The following NELFCD variants were observed in gnomAD, a reference collection of about 807,000 sequenced individuals.
NELFCD encodes negative elongation factor C/D.
A neutral mutation model predicts 72.9 loss-of-function variants in NELFCD; 48 were observed. The ratio of observed to expected loss-of-function variants is 0.66; its 90% CI spans 0.52 to 0.84. NELFCD has a LOEUF of 0.84. Among genes scored for constraint, NELFCD ranks in the 40% least tolerant of loss-of-function variants. The pLI, the probability that NELFCD is intolerant of heterozygous loss-of-function variation, is 0.00. For missense variants in NELFCD, 538 were observed against 723.8 expected (o/e 0.74, Z 2.94); for synonymous variants, 297 against 280.6 (o/e 1.06, Z -0.59).
rs113708159 is a variant in NELFCD, at chr20:58,987,968, G to A, written c.396+151G>A. ...ACAGAAGTTGCATCTAGTCAGAATT[G>A]CCCTTTAAACTCTGTACCCAGGGTC... On this transcript the variant is annotated intron_variant, in intron 4 of 14. Transcript: ENST00000652272. 40 of 641,216 alleles carry A rather than the reference G, an allele frequency of 6.2e-5. 1 individual carries two copies. The African/African-American group carries it at 6.6e-4, about 11-fold the overall frequency. 39.7% of individuals were successfully genotyped at this position (641,216 alleles called of 1,614,324 possible). A position where few individuals can be genotyped will look rare whatever the true frequency, so the allele number is the denominator to read the frequency against.
At position 58,989,773 on chromosome 20, in the gene NELFCD, C is replaced by A. The variant is rs755047050; in HGVS notation, c.658-85C>A. ...CCTTCCAGGATGCTCACTCCCGGGCCCGAGCACGGTGGAGGCTTGGCTCTC... is the reference window on the plus strand; with the variant it reads ...CCTTCCAGGATGCTCACTCCCGGGCACGAGCACGGTGGAGGCTTGGCTCTC... On this transcript the variant is annotated intron_variant, in intron 6 of 14. Coordinates refer to ENST00000652272, the MANE Select transcript of NELFCD (RefSeq NM_198976.4). 3.1e-6 allele frequency: 5 copies of A among 1,607,134 alleles called. No individual in the cohort carries two copies. The Admixed American group carries it at 8.3e-5, about 27-fold the overall frequency.
In NELFCD at chr20:58,981,381, C is replaced by A; in HGVS notation, c.60+12C>A. On this transcript the variant is annotated intron_variant, in intron 1 of 14. Coordinates refer to ENST00000652272, the MANE Select transcript of NELFCD (RefSeq NM_198976.4). The stretch of plus-strand genomic sequence containing the variant: ...CTGACGGCGGCCAGGTGAGGCGGGG[C>A]ACTGGGCGCACCCTAGAGAGAATCG... 1 of 1,058,632 alleles carries A rather than the reference C, an allele frequency of 9.4e-7. No homozygotes were observed. Among genetic ancestry groups the A allele is most frequent in the East Asian group, 5.5e-5 (1 of 18,042 alleles). 65.6% of individuals were successfully genotyped at this position (1,058,632 alleles called of 1,614,324 possible).
Position 58,993,723 on chromosome 20 carries a change from C to T in NELFCD, c.1540C>T (p.Leu514=), listed in dbSNP as rs369278623. 6.2e-6 allele frequency: 10 copies of T among 1,614,238 alleles called. No homozygotes were observed. Among genetic ancestry groups the T allele is most frequent in the Non-Finnish European group, 8.5e-6 (10 of 1,180,044 alleles). ...TTACATCCGAAAGTGTCTGGAGAAG[C>T]TGGACACTGACATTTCACTCATTCG... ...VSYIRKCLEK[L]DTDISLIRYF... Residue 514 remains leucine, a synonymous_variant, in exon 13 of 15, where the codon CTG becomes TTG. Coordinates refer to ENST00000652272, the MANE Select transcript of NELFCD (RefSeq NM_198976.4). This position sits in a 1 kb window ranked among gnomAD's most constrained non-coding sequence, Gnocchi z 5.0.
rs757125374 is a variant in NELFCD at position 58,993,509 on chromosome 20, G to T, written c.1405G>T (p.Glu469Ter). ...QVLQLLVKLF[E>*]TEHSQLDVME... ...CCTGCAGCTGCTTGTTAAGCTTTTT[G>T]AGACTGAGCACTCCCAGCTGGACGT... Residue 469 changes from glutamate (E) to a stop codon, truncating the protein, a stop_gained, in exon 12 of 15, where the codon GAG becomes TAG. Coordinates refer to ENST00000652272, the MANE Select transcript of NELFCD (RefSeq NM_198976.4). LOFTEE classifies it high-confidence loss of function. The surrounding 1 kb of genome is among the most constrained non-coding windows in gnomAD (Gnocchi z 5.0). 1 of 1,614,192 alleles carries T rather than the reference G, an allele frequency of 6.2e-7. No individual in the cohort carries two copies. The highest frequency in any genetic ancestry group is 1.7e-5 in the Admixed American group (1 of 60,026).
Position 58,995,006 on chromosome 20 carries a change from C to G in NELFCD, c.*330C>G, listed in dbSNP as rs2091849686. On this transcript the variant is annotated 3_prime_UTR_variant, in exon 15 of 15. Coordinates refer to ENST00000652272, the MANE Select transcript of NELFCD (RefSeq NM_198976.4). Reference sequence around the variant, plus strand: ...CGCTGGGAACTCCACTCGGGGAACTCCTTTCCAAGCTGACCTCAGTTTTCT... The same window carrying G: ...CGCTGGGAACTCCACTCGGGGAACTGCTTTCCAAGCTGACCTCAGTTTTCT... 3.7e-6 allele frequency: 1 copy of G among 272,006 alleles called. No homozygotes were observed. The highest frequency in any genetic ancestry group is 6.9e-6 in the Non-Finnish European group (1 of 145,152). 16.8% of individuals were successfully genotyped at this position (272,006 alleles called of 1,614,324 possible). A position where few individuals can be genotyped will look rare whatever the true frequency, so the allele number is the denominator to read the frequency against.
intron 1 of NELFCD, among the ~76,000 whole-genome samples, chr20:58,985,859 A>C (rs892519686): frequency 7.9e-5 from 12 of 152,188 alleles, no homozygotes; most frequent in African/African-American, 2.9e-4. Context: ...TTGTGTGAGC[A>C]TGGAACGCGG....
chr20:58,989,803 G>A (rs552944245), intron 6 of NELFCD, 55 bp from the exon 7 acceptor site: 8 of 1,612,248 alleles, frequency 5.0e-6, no homozygotes, highest in East Asian at 2.2e-5. Context: ...GCTCTCGTCC[G>A]CCCGTCTGTG....
At position 58,990,937 on chromosome 20, in the gene NELFCD, A is replaced by G. The variant is rs1160653114; in HGVS notation, c.816A>G (p.Leu272=). Residue 272 remains leucine, a synonymous_variant, in exon 8 of 15, where the codon CTA becomes CTG. Coordinates refer to ENST00000652272, the MANE Select transcript of NELFCD (RefSeq NM_198976.4). The part of the protein sequence containing the change: ...EKGHDASQIT[L]ALGTAASYPR... ...GTCATGACGCCAGTCAGATCACACTAGCCTTGGGCACAGCTGCCTCCTACC... is the reference window on the plus strand; with the variant it reads ...GTCATGACGCCAGTCAGATCACACTGGCCTTGGGCACAGCTGCCTCCTACC... 2 of 1,614,196 alleles carry G rather than the reference A, an allele frequency of 1.2e-6. No individual in the cohort carries two copies. Among genetic ancestry groups the G allele is most frequent in the Middle Eastern group, 1.6e-4 (1 of 6,062 alleles).
chr20:58,981,925 G>C (rs530226463), intron 1 of NELFCD, among the ~76,000 whole-genome samples: 4 of 152,124 alleles, frequency 2.6e-5, no homozygotes, highest in Admixed American at 6.5e-5. Flanking sequence ...TTCGGGCCTT[G>C]ACCTTCCAGG....
rs975151329 is a variant in NELFCD, at chr20:58,993,212, T to C, written c.1344+100T>C. On this transcript the variant is annotated intron_variant, in intron 11 of 14. Transcript: ENST00000652272. The surrounding 1 kb of genome is among the most constrained non-coding windows in gnomAD (Gnocchi z 5.0). ...TCTATTCAGTGAGTTTAGAGGATAC[T>C]CTTCTCAAAAATAGTTATTTCTGTC... The C allele has an allele frequency of 7.2e-6, 7 of 969,024 alleles. No homozygotes were observed. Among genetic ancestry groups the C allele is most frequent in the Non-Finnish European group, 1.1e-5 (7 of 617,214 alleles). 60.0% of individuals were successfully genotyped at this position (969,024 alleles called of 1,614,324 possible).
Position 58,993,105 on chromosome 20 carries a change from T to TAA in NELFCD, c.1337_1338insAA (p.Asp447ArgfsTer32). On this transcript the variant is annotated frameshift_variant, in exon 11 of 15. Transcript: ENST00000652272. LOFTEE classifies it high-confidence loss of function. The surrounding 1 kb of genome is among the most constrained non-coding windows in gnomAD (Gnocchi z 5.0). ...CATACCCCTGTCCACCTGGCGTTGC[T>TAA]GGATGAGGTAAGAGGGCGGAGAGCT... 1 of 1,613,318 alleles carries TAA rather than the reference T, an allele frequency of 6.2e-7. No individual in the cohort carries two copies. Among genetic ancestry groups the TAA allele is most frequent in the Non-Finnish European group, 8.5e-7 (1 of 1,179,264 alleles).
At position 58,993,611 on chromosome 20, in the gene NELFCD, C is replaced by T. The variant is rs750235416; in HGVS notation, c.1441-13C>T. 1 of 1,614,208 alleles carries T rather than the reference C, an allele frequency of 6.2e-7. No homozygotes were observed. Among genetic ancestry groups the T allele is most frequent in the Non-Finnish European group, 8.5e-7 (1 of 1,180,024 alleles). ...CCCTCTCTAACCAGCTCCCTGTCCC[C>T]CTTCTTCTGTAGCTTGAGTTGAAGA... On this transcript the variant is annotated splice_polypyrimidine_tract_variant and intron_variant, in intron 12 of 14. Transcript: ENST00000652272. This position sits in a 1 kb window ranked among gnomAD's most constrained non-coding sequence, Gnocchi z 5.0.
intron 7 of NELFCD, 130 bp downstream of exon 7, chr20:58,990,118 T>C (rs536995405): frequency 1.3e-4 from 166 of 1,262,880 alleles, no homozygotes; most frequent in Non-Finnish European, 1.7e-4. Flanking sequence ...TGCTTTTGGC[T>C]GGGCGTGGTG....
In NELFCD at chr20:58,993,161, C is replaced by G; in HGVS notation, c.1344+49C>G. The G allele has an allele frequency of 7.4e-7, 1 of 1,356,384 alleles. No individual in the cohort carries two copies. Among genetic ancestry groups the G allele is most frequent in the South Asian group, 1.2e-5 (1 of 85,694 alleles). 84.0% of individuals were successfully genotyped at this position (1,356,384 alleles called of 1,614,324 possible). A position where few individuals can be genotyped will look rare whatever the true frequency, so the allele number is the denominator to read the frequency against. On this transcript the variant is annotated intron_variant, in intron 11 of 14. Coordinates refer to ENST00000652272, the MANE Select transcript of NELFCD (RefSeq NM_198976.4). This position sits in a 1 kb window ranked among gnomAD's most constrained non-coding sequence, Gnocchi z 5.0. ...CAGCCTACACAGTGTCTGTCTCATG[C>G]TGTTTACGTTGGCATTAACATTGCA...
At chr20:58,988,191 G>A (rs1248724099) in intron 4 of NELFCD, among the ~76,000 whole-genome samples, 3 of 152,204 alleles carry the variant, frequency 2.0e-5, no homozygotes, top group African/African-American at 7.2e-5. Flanking sequence ...GACTATGAGG[G>A]AAGATGGGGT....
In NELFCD at chr20:58,986,514, T is replaced by C; in HGVS notation, c.177-240T>C. ...GCCATCATGCCTGGCTATTTTTGTT[T>C]TTGTTTTTTGGGAGAGACAGGGCTC... is the stretch of plus-strand genomic sequence containing the variant. On this transcript the variant is annotated intron_variant, in intron 2 of 14. Transcript: ENST00000652272. This position sits in a 1 kb window ranked among gnomAD's most constrained non-coding sequence, Gnocchi z 4.4. 1.8e-6 allele frequency: 1 copy of C among 557,196 alleles called. No homozygotes were observed. Among genetic ancestry groups the C allele is most frequent in the Non-Finnish European group, 3.1e-6 (1 of 317,654 alleles). 34.5% of individuals were successfully genotyped at this position (557,196 alleles called of 1,614,324 possible).
At chr20:58,989,793 GCT>G (rs1414886874) in intron 6 of NELFCD, 63 bp from the exon 7 acceptor site, 1 of 1,611,590 alleles carries the variant, frequency 6.2e-7, no homozygotes, top group Non-Finnish European at 8.5e-7. Context: ...TGGAGGCTTG[GCT>G]CTCGTCCGCC....
rs1281278690 is a variant in NELFCD, at chr20:58,993,431, C to T, written c.1345-18C>T. On this transcript the variant is annotated intron_variant, in intron 11 of 14. Coordinates refer to ENST00000652272, the MANE Select transcript of NELFCD (RefSeq NM_198976.4). This position sits in a 1 kb window ranked among gnomAD's most constrained non-coding sequence, Gnocchi z 5.0. ...GTGACCACACTGCTCAGCGAAGCTC[C>T]CTCTGGCCTGTTTGTAGATCAGCAC... 1.2e-6 allele frequency: 2 copies of T among 1,612,178 alleles called. No individual in the cohort carries two copies. The highest frequency in any genetic ancestry group is 2.2e-5 in the East Asian group (1 of 44,874).
intron 9 of NELFCD, 114 bp downstream of exon 9, chr20:58,991,560 C>A: frequency 8.1e-7 from 1 of 1,230,154 alleles, no homozygotes; most frequent in Non-Finnish European, 1.1e-6. Flanking sequence ...TAGTATCAGG[C>A]ATGTGTTTTC....
Sources: gnomAD v4.1 joint callset for allele counts (sites outside exome capture counted in the v4.1 genomes callset) on GRCh38, gnomAD v4.1.1 for gene constraint, Gnocchi (gnomAD v3.1) non-coding constraint, MANE v1.5 for transcripts, NCBI Gene and HGNC (gene_info 2026-07-23, HGNC 2026-07-21) for gene names.